NSG1: variants seen among roughly 807,000 people sequenced by gnomAD.
NSG1 encodes the protein neuronal vesicle trafficking-associated protein 1.
In NSG1, 9 loss-of-function variants were observed where a neutral mutation model predicts 19.3. The observed-to-expected ratio is 0.47, with a 90% CI of 0.28 to 0.81. The LOEUF is 0.81. Among genes scored for constraint, NSG1 ranks in the 40% least tolerant of loss-of-function variants. The pLI, the probability that NSG1 is intolerant of heterozygous loss-of-function variation, is 0.11. For synonymous variants in NSG1, 104 were observed against 107.0 expected (o/e 0.97, Z 0.17); for missense variants, 236 against 242.4 (o/e 0.97, Z 0.18).
chr4:4,402,866 G>A (rs1723643032), intron 3 of NSG1, among the ~76,000 whole-genome samples: 3 of 152,226 alleles, frequency 2.0e-5, no homozygotes, highest in South Asian at 4.1e-4. Context: ...CCAGGCATGG[G>A]AATCAGACAC....
chr4:4,402,140 C>T (rs191051242), intron 3 of NSG1, among the ~76,000 whole-genome samples: 36 of 149,588 alleles, frequency 2.4e-4, no homozygotes, highest in Admixed American at 4.0e-4. Flanking sequence ...CCTCTCGCTT[C>T]GGCCTCCCAA....
rs534735247 is a variant in NSG1, at chr4:4,406,184, C to T, written c.247-3389C>T. Among the ~76,000 whole-genome samples the T allele has an allele frequency of 4.6e-5, 7 of 152,266 alleles. No individual in the cohort carries two copies. The South Asian group carries it at 6.2e-4, about 14-fold the overall frequency. Reference sequence around the variant, plus strand: ...CTGGGATTACAGGCACTCACCACCACGCCCGGCTAATTTTTTATATTTTTA... The same window carrying T: ...CTGGGATTACAGGCACTCACCACCATGCCCGGCTAATTTTTTATATTTTTA... On this transcript the variant is annotated intron_variant, in intron 3 of 4. Coordinates refer to ENST00000621129, the MANE Select transcript of NSG1 (RefSeq NM_014392.5).
chr4:4,417,197 G>A (rs1011511563), intron 4 of NSG1, 38 bp from the exon 5 acceptor site: 3 of 1,587,656 alleles, frequency 1.9e-6, no homozygotes, highest in African/African-American at 1.3e-5. Context: ...ACCCCCTCTT[G>A]CACCGACGCG....
intron 3 of NSG1, among the ~76,000 whole-genome samples, chr4:4,399,593 G>T (rs1202622589): frequency 2.0e-5 from 3 of 151,482 alleles, no homozygotes; most frequent in Non-Finnish European, 2.9e-5. Flanking sequence ...TCACTTTCTT[G>T]CTAGTTTCTT....
intron 2 of NSG1, among the ~76,000 whole-genome samples, chr4:4,390,689 C>T (rs1490808619): frequency 1.3e-5 from 2 of 152,164 alleles, no homozygotes; most frequent in Non-Finnish European, 1.5e-5. Context: ...ACCTCCCAGT[C>T]CAGTGGGACA....
rs576893348 is a variant in NSG1 at position 4,411,932 on chromosome 4, G to C, written c.357+2249G>C. ...ACGGTAACATAAACAAGTAACATAC[G>C]CGTTTATTGTCACTGTCAAGTATTA... is the stretch of plus-strand genomic sequence containing the variant. On this transcript the variant is annotated intron_variant, in intron 4 of 4. Transcript: ENST00000621129. Among the ~76,000 whole-genome samples the C allele has an allele frequency of 8.6e-4, 131 of 151,974 alleles. 1 individual carries two copies. The highest frequency in any genetic ancestry group is 1.7e-3 in the Non-Finnish European group (114 of 68,016).
chr4:4,404,323 A>G (rs559786806), intron 3 of NSG1, among the ~76,000 whole-genome samples: 2 of 152,288 alleles, frequency 1.3e-5, no homozygotes, highest in African/African-American at 2.4e-5. Context: ...TAGGGTAACA[A>G]TGGCTCACCC....
At chr4:4,415,936 C>T in intron 4 of NSG1, 1 of 605,314 alleles carries the variant, frequency 1.7e-6, no homozygotes, top group East Asian at 2.8e-5. Context: ...TCTGAATGGG[C>T]TGTTTGTTCT....
At chr4:4,391,745 A>G (rs1723006191) in intron 3 of NSG1, among the ~76,000 whole-genome samples, 154 bp downstream of exon 3, 1 of 152,240 alleles carries the variant, frequency 6.6e-6, no homozygotes, top group African/African-American at 2.4e-5. Flanking sequence ...CTGCCTGCCA[A>G]GATGTTGTCC....
chr4:4,410,322 G>A (rs1275473242), intron 4 of NSG1, among the ~76,000 whole-genome samples: 1 of 152,230 alleles, frequency 6.6e-6, no homozygotes, highest in Non-Finnish European at 1.5e-5. Flanking sequence ...TAAAGGGAGG[G>A]GAGATAAGGG....
chr4:4,392,066 A>G (rs1359108869), intron 3 of NSG1, among the ~76,000 whole-genome samples: 4 of 151,692 alleles, frequency 2.6e-5, no homozygotes, highest in Non-Finnish European at 1.5e-5. Context: ...GCAGATGGAA[A>G]GGTTGAGGCA....
At chr4:4,390,063 C>T (rs1425586411) in intron 2 of NSG1, among the ~76,000 whole-genome samples, 8 of 152,306 alleles carry the variant, frequency 5.3e-5, no homozygotes, top group South Asian at 4.1e-4. Context: ...CCCCCACATA[C>T]GGGAGAGGTT....
chr4:4,399,252 C>T (rs746852813), intron 3 of NSG1, among the ~76,000 whole-genome samples: 3 of 152,186 alleles, frequency 2.0e-5, no homozygotes, highest in Non-Finnish European at 4.4e-5. Flanking sequence ...AAGTGATCCT[C>T]CCACCTCAGC....
intron 4 of NSG1, among the ~76,000 whole-genome samples, chr4:4,414,746 C>T (rs1040373873): frequency 1.3e-5 from 2 of 152,150 alleles, no homozygotes; most frequent in African/African-American, 4.8e-5. Flanking sequence ...TCACTTGGTA[C>T]AGTCAGCATG....
chr4:4,402,157 G>A (rs1175413189), intron 3 of NSG1, among the ~76,000 whole-genome samples: 1 of 150,206 alleles, frequency 6.7e-6, no homozygotes, highest in African/African-American at 2.5e-5. Flanking sequence ...CCAAAGTGCT[G>A]GGATTACAGC....
chr4:4,411,459 C>T (rs1016963913), intron 4 of NSG1, among the ~76,000 whole-genome samples: 2 of 152,092 alleles, frequency 1.3e-5, no homozygotes, highest in African/African-American at 2.4e-5. Context: ...GATAACAATG[C>T]CAGGCCAGGT....
At chr4:4,391,404 C>T (rs887070071) in intron 2 of NSG1, 71 bp from the exon 3 acceptor site, 4 of 1,012,564 alleles carry the variant, frequency 4.0e-6, no homozygotes, top group Non-Finnish European at 5.9e-6. Context: ...TATGGGAGTT[C>T]CCAGACCCAC....
chr4:4,392,170 C>T (rs553028879), intron 3 of NSG1, among the ~76,000 whole-genome samples: 82 of 151,186 alleles, frequency 5.4e-4, no homozygotes, highest in South Asian at 2.5e-3. Context: ...TTCCCCCCAT[C>T]CCAATGGGAT....
rs14951 is a variant in NSG1 at position 4,418,394 on chromosome 4, C to T, written c.*959C>T. On this transcript the variant is annotated 3_prime_UTR_variant, in exon 5 of 5. Coordinates refer to ENST00000621129, the MANE Select transcript of NSG1 (RefSeq NM_014392.5). ...AATTTTTATTCTATGAAACTGATAT[C>T]CCTTGATGTGGGAAACAGGCAGGAA... 6.6e-6 allele frequency: 1 copy of T among 152,110 alleles called. No homozygotes were observed. The highest frequency in any genetic ancestry group is 1.5e-5 in the Non-Finnish European group (1 of 67,988). The allele number at this position is 152,110 out of a possible 1,614,324, so 9.4% of individuals were successfully genotyped here.
Sources: gnomAD v4.1 joint callset for allele counts (sites outside exome capture counted in the v4.1 genomes callset) on GRCh38, gnomAD v4.1.1 for gene constraint, MANE v1.5 for transcripts, NCBI Gene and HGNC (gene_info 2026-07-23, HGNC 2026-07-21) for gene names.